FRAS1: variants seen among roughly 807,000 people sequenced by gnomAD.
FRAS1 encodes extracellular matrix organizing protein FRAS1.
A neutral mutation model predicts 435.2 loss-of-function variants in FRAS1; 290 were observed. The ratio of observed to expected loss-of-function variants is 0.67; its 90% CI spans 0.61 to 0.73. The LOEUF (loss-of-function observed/expected upper bound fraction) is 0.73, where lower values mean the gene tolerates loss of function less well. Ranked by LOEUF, FRAS1 falls within the 30% of genes least tolerant of loss-of-function variation. The pLI, the probability that FRAS1 is intolerant of heterozygous loss-of-function variation, is 0.00. For synonymous variants in FRAS1, 1,800 were observed against 1,851.0 expected (o/e 0.97, Z 0.71); for missense variants, 4,860 against 5,001.5 (o/e 0.97, Z 0.85).
At chr4:78,534,080 A>G (rs915250265) in intron 70 of FRAS1, among the ~76,000 whole-genome samples, 35 of 152,194 alleles carry the variant, frequency 2.3e-4, no homozygotes, top group African/African-American at 8.2e-4. Flanking sequence ...GATCAGGTTG[A>G]AAGAGTCAAA....
chr4:78,470,507 G>A (rs114375481), intron 51 of FRAS1, among the ~76,000 whole-genome samples: 1,814 of 152,196 alleles, frequency 0.012, 31 homozygotes, highest in African/African-American at 0.042. Context: ...TCAATATACA[G>A]TTGGCCCTCA....
chr4:78,229,048 T>C (rs1168923962), intron 2 of FRAS1, among the ~76,000 whole-genome samples: 1 of 152,198 alleles, frequency 6.6e-6, no homozygotes, highest in Admixed American at 6.5e-5. Flanking sequence ...ATATGACCTA[T>C]GTTCATAAAC....
intron 49 of FRAS1, 100 bp from the exon 50 acceptor site, chr4:78,466,108 C>A: frequency 2.3e-6 from 2 of 854,030 alleles, no homozygotes; most frequent in Non-Finnish European, 3.8e-6. Flanking sequence ...TTATCAATGT[C>A]TTTGGGTTCT....
intron 55 of FRAS1, among the ~76,000 whole-genome samples, chr4:78,478,491 G>A (rs1277297889): frequency 6.6e-6 from 1 of 152,196 alleles, no homozygotes; most frequent in African/African-American, 2.4e-5. Context: ...CATATGTAGA[G>A]CTCAGATGAG....
Position 78,441,377 on chromosome 4 carries a change from T to C in FRAS1, c.5665+80T>C, listed in dbSNP as rs928114191. On this transcript the variant is annotated intron_variant, in intron 41 of 73. Transcript: ENST00000512123. ...GGAGGACCTTGCTTCCAGCTAAAGA[T>C]GGAGATGGAGAACTACAGAGGAGGG... is the stretch of plus-strand genomic sequence containing the variant. The C allele has an allele frequency of 3.8e-6, 5 of 1,310,170 alleles. No individual in the cohort carries two copies. The African/African-American group carries it at 5.9e-5, about 15-fold the overall frequency. 81.2% of individuals were successfully genotyped at this position (1,310,170 alleles called of 1,614,324 possible).
intron 2 of FRAS1, among the ~76,000 whole-genome samples, chr4:78,100,012 A>C (rs1260270893): frequency 6.6e-6 from 1 of 152,202 alleles, no homozygotes; most frequent in East Asian, 1.9e-4. Flanking sequence ...TTGTTTAGTG[A>C]CATATTTAGA....
At chr4:78,265,727 AG>A in intron 7 of FRAS1, among the ~76,000 whole-genome samples, 1 of 152,348 alleles carries the variant, frequency 6.6e-6, no homozygotes. Context: ...GTCCAGAAAA[AG>A]GTTACATTAC....
intron 2 of FRAS1, among the ~76,000 whole-genome samples, chr4:78,109,559 C>G (rs1276849716): frequency 7.6e-6 from 1 of 132,042 alleles, no homozygotes; most frequent in African/African-American, 2.9e-5. Flanking sequence ...ACCCTTCATG[C>G]TAAAAACTCT....
At chr4:78,517,016 T>C (rs1316030529) in intron 66 of FRAS1, among the ~76,000 whole-genome samples, 1 of 152,242 alleles carries the variant, frequency 6.6e-6, no homozygotes, top group Non-Finnish European at 1.5e-5. Flanking sequence ...TCTGTCCTCA[T>C]GGGAAAATTA....
chr4:78,499,307 C>T (rs533199587), intron 60 of FRAS1, among the ~76,000 whole-genome samples: 12 of 152,100 alleles, frequency 7.9e-5, no homozygotes, highest in Non-Finnish European at 1.5e-4. Context: ...CTTTGAAATT[C>T]ATATCTCATG....
chr4:78,205,786 G>A (rs1259946347), intron 2 of FRAS1, among the ~76,000 whole-genome samples: 1 of 152,140 alleles, frequency 6.6e-6, no homozygotes, highest in Non-Finnish European at 1.5e-5. Flanking sequence ...CTTTGCTGTG[G>A]CAGGTCTGGC....
chr4:78,414,331 A>G (rs1733466434), intron 32 of FRAS1, among the ~76,000 whole-genome samples: 1 of 152,258 alleles, frequency 6.6e-6, no homozygotes, highest in African/African-American at 2.4e-5. Flanking sequence ...GCCAGGAGCC[A>G]GGAAGACAGT....
intron 63 of FRAS1, among the ~76,000 whole-genome samples, chr4:78,510,027 T>A (rs1720981430): frequency 6.6e-6 from 1 of 152,158 alleles, no homozygotes; most frequent in Non-Finnish European, 1.5e-5. Flanking sequence ...TCATACCCAC[T>A]CTCTTTGGCA....
chr4:78,121,123 G>C (rs1718993138), intron 2 of FRAS1, among the ~76,000 whole-genome samples: 1 of 152,086 alleles, frequency 6.6e-6, no homozygotes, highest in African/African-American at 2.4e-5. Context: ...CTATCAAATT[G>C]GCCTTCTCAG....
chr4:78,246,948 C>T (rs901125330), intron 4 of FRAS1, among the ~76,000 whole-genome samples: 4 of 152,158 alleles, frequency 2.6e-5, no homozygotes, highest in African/African-American at 7.2e-5. Flanking sequence ...TCTTTCCTGC[C>T]TCTCACTTAC....
intron 2 of FRAS1, among the ~76,000 whole-genome samples, chr4:78,193,231 GA>G (rs908916483): frequency 1.3e-5 from 2 of 152,116 alleles, no homozygotes; most frequent in Non-Finnish European, 2.9e-5. Context: ...GTGTGGTGCT[GA>G]AAAGTGTATA....
At chr4:78,412,636 A>G (rs1418890359) in intron 31 of FRAS1, among the ~76,000 whole-genome samples, 1 of 152,200 alleles carries the variant, frequency 6.6e-6, no homozygotes, top group Non-Finnish European at 1.5e-5. Flanking sequence ...AAAAATTATA[A>G]TATGTAATTG....
At chr4:78,486,780 G>C (rs1461522336) in intron 58 of FRAS1, among the ~76,000 whole-genome samples, 1 of 151,386 alleles carries the variant, frequency 6.6e-6, no homozygotes, top group Non-Finnish European at 1.5e-5. Context: ...ATTGTTTCTG[G>C]GCAGGCAATC....
chr4:78,162,955 A>C lies in FRAS1; in HGVS notation c.109-74555A>C, dbSNP rs543311145. On this transcript the variant is annotated intron_variant, in intron 2 of 73. Transcript: ENST00000512123. ...TTTTTGTTGCTAACTACTAGAAAAC[A>C]ATTTGTGGGATGAGCCCGTTTCTTT... Among the ~76,000 whole-genome samples, 15 of 152,344 alleles carry C rather than the reference A, an allele frequency of 9.8e-5. No homozygotes were observed. The East Asian group carries it at 2.7e-3, about 27-fold the overall frequency.
Sources: allele counts gnomAD v4.1 joint callset (sites outside exome capture counted in the v4.1 genomes callset), GRCh38; gene constraint gnomAD v4.1.1; transcripts MANE v1.5; gene names NCBI Gene and HGNC (gene_info 2026-07-23, HGNC 2026-07-21).